Variants in KIAA1958 observed in about 807,000 individuals in gnomAD.
The protein encoded by KIAA1958 is KIAA1958, also known as uncharacterized protein KIAA1958.
Under a neutral mutation model 47.2 loss-of-function variants are expected in KIAA1958, and 14 were observed. The observed-to-expected ratio is 0.30, with a 90% CI of 0.20 to 0.46. KIAA1958 has a LOEUF of 0.46. Among genes scored for constraint, KIAA1958 ranks in the 20% least tolerant of loss-of-function variants. KIAA1958 has a pLI of 1.00. For missense variants in KIAA1958, 803 were observed against 909.2 expected, an observed-to-expected ratio of 0.88 and a Z score of 1.50; for synonymous variants, 354 against 353.3, an observed-to-expected ratio of 1.00 and a Z score of -0.02.
chr9:112,626,146 A>G (rs1372279893), intron 2 of KIAA1958, among the ~76,000 whole-genome samples: 1 of 152,176 alleles, frequency 6.6e-6, no homozygotes, highest in Non-Finnish European at 1.5e-5. Context: ...GAGATAGTAA[A>G]GGGGAAAAAT....
At chr9:112,546,987 G>A (rs998438964) in intron 1 of KIAA1958, among the ~76,000 whole-genome samples, 17 of 144,744 alleles carry the variant, frequency 1.2e-4, no homozygotes, top group African/African-American at 4.4e-4. Context: ...TGCTGCCCAA[G>A]CTGGGGTGTG....
In KIAA1958 at chr9:112,618,410, C is replaced by A; in HGVS notation, c.1172-27240C>A. ...ATCTACCTTAAAATGGGGTGATATC[C>A]GGCTCCGGGTAACAGAGACGGGTCT... is the stretch of plus-strand genomic sequence containing the variant. On this transcript the variant is annotated intron_variant, in intron 2 of 3. Transcript: ENST00000337530. This position sits in a 1 kb window ranked among gnomAD's most constrained non-coding sequence, Gnocchi z 7.1. 7 of 1,551,184 alleles carry A rather than the reference C, an allele frequency of 4.5e-6. No individual in the cohort carries two copies. Among genetic ancestry groups the A allele is most frequent in the Non-Finnish European group, 6.1e-6 (7 of 1,147,118 alleles).
rs894958858 is a variant in KIAA1958 at position 112,561,737 on chromosome 9, C to T, written c.-24-12320C>T. On this transcript the variant is annotated intron_variant, in intron 1 of 3. Transcript: ENST00000337530. ...AGGCATGGTGGTGGGCACCTGTAACCCCAGTTACTCAGAAGGCTGAGGCAG... is the reference window on the plus strand; with the variant it reads ...AGGCATGGTGGTGGGCACCTGTAACTCCAGTTACTCAGAAGGCTGAGGCAG... Among the ~76,000 whole-genome samples, 4 of 152,074 alleles carry T rather than the reference C, an allele frequency of 2.6e-5. No individual in the cohort carries two copies. In the South Asian group the frequency reaches 6.2e-4, roughly 24 times the overall value.
At chr9:112,584,970 C>T (rs548196856) in intron 2 of KIAA1958, among the ~76,000 whole-genome samples, 2 of 152,336 alleles carry the variant, frequency 1.3e-5, no homozygotes, top group South Asian at 4.1e-4. Flanking sequence ...TCATGCCCAT[C>T]ACTTATCCAA....
chr9:112,559,630 G>T (rs1835294172), intron 1 of KIAA1958, among the ~76,000 whole-genome samples: 2 of 152,212 alleles, frequency 1.3e-5, no homozygotes, highest in Non-Finnish European at 2.9e-5. Flanking sequence ...ATTTACCAAG[G>T]TGAGGCTGTA....
chr9:112,611,641 A>G (rs928294180), intron 2 of KIAA1958, among the ~76,000 whole-genome samples: 23 of 152,158 alleles, frequency 1.5e-4, no homozygotes, highest in African/African-American at 5.1e-4. Context: ...GAAGATTCCC[A>G]ATCATAAGTA....
chr9:112,567,401 C>G (rs763374620), intron 1 of KIAA1958, among the ~76,000 whole-genome samples: 26 of 152,150 alleles, frequency 1.7e-4, no homozygotes, highest in Non-Finnish European at 3.5e-4. Context: ...CTCTGCCATT[C>G]TTAAGTTCTT....
Position 112,664,884 on chromosome 9 carries a change from T to C in KIAA1958, c.*4815T>C, listed in dbSNP as rs1837332240. 1 of 152,190 alleles carries C rather than the reference T, an allele frequency of 6.6e-6. No homozygotes were observed. Among genetic ancestry groups the C allele is most frequent in the South Asian group, 2.1e-4 (1 of 4,834 alleles). The allele number at this position is 152,190 out of a possible 1,614,324, so 9.4% of individuals were successfully genotyped here. On this transcript the variant is annotated 3_prime_UTR_variant, in exon 4 of 4. Coordinates refer to ENST00000337530, the MANE Select transcript of KIAA1958 (RefSeq NM_133465.4). ...ACATAACAGAATTTCCCAAGACTTC[T>C]TTGAGGAAGGCTGTCCACGCTTCAG...
intron 1 of KIAA1958, among the ~76,000 whole-genome samples, chr9:112,531,649 G>T (rs566901095): frequency 6.6e-6 from 1 of 152,136 alleles, no homozygotes; most frequent in African/African-American, 2.4e-5. Context: ...AGGTTAAAAG[G>T]TCTTTTGAAG....
At chr9:112,545,606 C>T (rs1835014972) in intron 1 of KIAA1958, among the ~76,000 whole-genome samples, 1 of 152,094 alleles carries the variant, frequency 6.6e-6, no homozygotes, top group Non-Finnish European at 1.5e-5. Flanking sequence ...ATGCTATCAT[C>T]CCTTTGAAAC....
chr9:112,531,088 A>G (rs143871245), intron 1 of KIAA1958, among the ~76,000 whole-genome samples: 3 of 152,314 alleles, frequency 2.0e-5, no homozygotes, highest in Middle Eastern at 3.4e-3. Context: ...GTCTAATTAC[A>G]ATTTTGTTTA....
At chr9:112,541,270 A>G (rs1326537881) in intron 1 of KIAA1958, among the ~76,000 whole-genome samples, 5 of 152,166 alleles carry the variant, frequency 3.3e-5, no homozygotes, top group Non-Finnish European at 7.3e-5. Context: ...TTTGATAAAT[A>G]TTATTGATTG....
intron 3 of KIAA1958, among the ~76,000 whole-genome samples, chr9:112,656,087 T>A (rs1243900905): frequency 6.6e-6 from 1 of 152,014 alleles, no homozygotes; most frequent in African/African-American, 2.4e-5. Context: ...TTACAATGCA[T>A]TTTAGCTGGG....
At chr9:112,543,780 T>G (rs1834984113) in intron 1 of KIAA1958, among the ~76,000 whole-genome samples, 1 of 151,950 alleles carries the variant, frequency 6.6e-6, no homozygotes, top group South Asian at 2.1e-4. Flanking sequence ...TCCGTGTTGG[T>G]CAGGCTGGTC....
chr9:112,628,554 A>G (rs1221402926), intron 2 of KIAA1958, among the ~76,000 whole-genome samples: 1 of 152,214 alleles, frequency 6.6e-6, no homozygotes, highest in Non-Finnish European at 1.5e-5. Flanking sequence ...TGATTCCTAC[A>G]TCAGAGGTTT....
chr9:112,626,713 C>T (rs1836619304), intron 2 of KIAA1958, among the ~76,000 whole-genome samples: 1 of 151,720 alleles, frequency 6.6e-6, no homozygotes, highest in South Asian at 2.1e-4. Flanking sequence ...TTAACCCACT[C>T]AGATTAACTT....
intron 1 of KIAA1958, among the ~76,000 whole-genome samples, chr9:112,517,542 T>C (rs896807722): frequency 3.6e-4 from 55 of 152,316 alleles, no homozygotes; most frequent in African/African-American, 1.1e-3. Context: ...ATGCAATGAT[T>C]TCTTAGAGAT....
intron 1 of KIAA1958, among the ~76,000 whole-genome samples, chr9:112,540,673 T>G (rs1834925580): frequency 6.6e-6 from 1 of 152,054 alleles, no homozygotes; most frequent in East Asian, 1.9e-4. Flanking sequence ...TTGCTTTTGT[T>G]TAAGTTAAAT....
At position 112,666,511 on chromosome 9, in the gene KIAA1958, T is replaced by C. The variant is rs1837352805; in HGVS notation, c.*6442T>C. The C allele has an allele frequency of 6.6e-6, 1 of 152,094 alleles. No individual in the cohort carries two copies. Among genetic ancestry groups the C allele is most frequent in the South Asian group, 2.1e-4 (1 of 4,824 alleles). 9.4% of individuals were successfully genotyped at this position (152,094 alleles called of 1,614,324 possible). On this transcript the variant is annotated 3_prime_UTR_variant, in exon 4 of 4. Coordinates refer to ENST00000337530, the MANE Select transcript of KIAA1958 (RefSeq NM_133465.4). Reference sequence around the variant, plus strand: ...TGAGAAGATTTAGATTTTTTTAAATTAATAGAGCTGCATCTGGCAAAATGA... The same window carrying C: ...TGAGAAGATTTAGATTTTTTTAAATCAATAGAGCTGCATCTGGCAAAATGA...
Sources: gnomAD v4.1 joint callset for allele counts (sites outside exome capture counted in the v4.1 genomes callset) on GRCh38, gnomAD v4.1.1 for gene constraint, Gnocchi (gnomAD v3.1) non-coding constraint, MANE v1.5 for transcripts, NCBI Gene and HGNC (gene_info 2026-07-23, HGNC 2026-07-21) for gene names.